The following USP47 variants were observed in gnomAD, a reference collection of about 807,000 sequenced individuals.
USP47 encodes the protein ubiquitin specific peptidase 47.
A neutral mutation model predicts 165.1 loss-of-function variants in USP47; 35 were observed. The observed-to-expected ratio is 0.21, with a 90% confidence interval of 0.16 to 0.28. The LOEUF (loss-of-function observed/expected upper bound fraction) is 0.28, where lower values mean the gene tolerates loss of function less well. Ranked by LOEUF, USP47 falls within the 10% of genes least tolerant of loss-of-function variation. USP47 has a pLI of 1.00. For missense variants in USP47, 1,277 were observed against 1,607.4 expected, an observed-to-expected ratio of 0.79 and a Z score of 3.52; for synonymous variants, 531 against 544.5, an observed-to-expected ratio of 0.98 and a Z score of 0.35.
At chr11:11,929,397 C>T in intron 11 of USP47, 37 bp from the exon 12 acceptor site, 3 of 1,601,774 alleles carry the variant, frequency 1.9e-6, no homozygotes, top group Non-Finnish European at 1.7e-6. Flanking sequence ...GTTGTGTTTT[C>T]CTTCTCCTCT....
rs1210530456 is a variant in USP47 at position 11,949,960 on chromosome 11, T to A, written c.3420T>A (p.Ile1140=). ...MTVRQSKEEL[I]PQLREQCGLE... The stretch of plus-strand genomic sequence containing the variant: ...TACGGCAATCAAAAGAGGAATTAAT[T>A]CCTCAGCTCAGGGAGCAATGTGGTT... The change falls in exon 23 of 28, where the codon ATT becomes ATA. Residue 1140 remains isoleucine (I), a synonymous_variant. Transcript: ENST00000527733. The A allele has an allele frequency of 6.2e-7, 1 of 1,613,010 alleles. No individual in the cohort carries two copies. The highest frequency in any genetic ancestry group is 8.5e-7 in the Non-Finnish European group (1 of 1,179,314).
chr11:11,895,942 C>G (rs1851818213), intron 4 of USP47, among the ~76,000 whole-genome samples: 1 of 152,200 alleles, frequency 6.6e-6, no homozygotes, highest in Non-Finnish European at 1.5e-5. Context: ...TGATTCATAA[C>G]TATTTCAGAT....
At chr11:11,858,003 A>C (rs1345688130) in intron 1 of USP47, among the ~76,000 whole-genome samples, 1 of 152,138 alleles carries the variant, frequency 6.6e-6, no homozygotes, top group Non-Finnish European at 1.5e-5. Context: ...ATTTGGCACC[A>C]CTTCATTTAC....
chr11:11,888,037 C>A (rs1851275938), intron 3 of USP47, among the ~76,000 whole-genome samples: 1 of 152,038 alleles, frequency 6.6e-6, no homozygotes, highest in Middle Eastern at 3.2e-3. Flanking sequence ...GATAACATAC[C>A]AGAATTTCTG....
chr11:11,891,427 A>G (rs1851505211), intron 3 of USP47, among the ~76,000 whole-genome samples: 1 of 152,252 alleles, frequency 6.6e-6, no homozygotes, highest in Non-Finnish European at 1.5e-5. Context: ...TGCATCATTT[A>G]GTTTTATGAC....
intron 25 of USP47, among the ~76,000 whole-genome samples, chr11:11,954,497 A>G (rs1220882042): frequency 6.6e-6 from 1 of 152,142 alleles, no homozygotes; most frequent in East Asian, 1.9e-4. Flanking sequence ...ATGGAAGTAT[A>G]CAGTAGAGCT....
At chr11:11,917,490 T>C (rs993908230) in intron 8 of USP47, among the ~76,000 whole-genome samples, 18 of 152,098 alleles carry the variant, frequency 1.2e-4, no homozygotes, top group African/African-American at 4.3e-4. Context: ...TAGTATGTAA[T>C]GTTACATGTT....
At chr11:11,866,954 A>G (rs182805213) in intron 1 of USP47, among the ~76,000 whole-genome samples, 4 of 151,982 alleles carry the variant, frequency 2.6e-5, no homozygotes, top group African/African-American at 7.2e-5. Context: ...CTGGAGCTCA[A>G]TGGTGCGATC....
intron 3 of USP47, among the ~76,000 whole-genome samples, chr11:11,890,104 A>G (rs1369304968): frequency 1.3e-5 from 2 of 152,208 alleles, no homozygotes; most frequent in Admixed American, 6.5e-5. Context: ...AAAACCTTAG[A>G]AAAAAATCTA....
chr11:11,842,864 G>A (rs1204371034), intron 1 of USP47, among the ~76,000 whole-genome samples: 1 of 141,776 alleles, frequency 7.1e-6, no homozygotes, highest in African/African-American at 2.6e-5. Context: ...TTTTTTTGAG[G>A]TTGGGTTGTG....
chr11:11,927,373 G>A (rs546694577), intron 11 of USP47, among the ~76,000 whole-genome samples: 3 of 152,142 alleles, frequency 2.0e-5, no homozygotes, highest in Admixed American at 1.3e-4. Flanking sequence ...CTGTTGCTTA[G>A]TGTTACCAGT....
chr11:11,842,424 A>T (rs947422279), intron 1 of USP47, among the ~76,000 whole-genome samples, 200 bp downstream of exon 1: 1 of 151,792 alleles, frequency 6.6e-6, no homozygotes, highest in Admixed American at 6.6e-5. Context: ...CGGGGAGCGG[A>T]CCTCCCGCCT....
chr11:11,885,882 A>C (rs1338685297), intron 3 of USP47, among the ~76,000 whole-genome samples: 1 of 152,174 alleles, frequency 6.6e-6, no homozygotes, highest in Non-Finnish European at 1.5e-5. Context: ...TTCCAGAGGA[A>C]GGAGCAGGCT....
chr11:11,936,434 C>A lies in USP47; in HGVS notation c.2001C>A (p.Val667=), dbSNP rs1286068959. ...CAATGGGGCTTCTACTAGGTGGCGT[C>A]AAGTCAACATATATGTTTGATCTGC... ...DTPMGLLLGG[V]KSTYMFDLLL... is the part of the protein sequence containing the mutation. The change falls in exon 17 of 28, where the codon GTC becomes GTA. Residue 667 remains valine (V), a synonymous_variant. Transcript: ENST00000527733. The A allele has an allele frequency of 1.9e-6, 3 of 1,609,924 alleles. No homozygotes were observed.
intron 1 of USP47, among the ~76,000 whole-genome samples, chr11:11,864,174 AT>A (rs1359322647): frequency 2.0e-5 from 3 of 151,958 alleles, no homozygotes; most frequent in East Asian, 1.9e-4. Context: ...AGTTAAAAAA[AT>A]TTTTTTGTAT....
intron 20 of USP47, among the ~76,000 whole-genome samples, chr11:11,945,096 T>A (rs1030640577): frequency 6.6e-6 from 1 of 152,192 alleles, no homozygotes; most frequent in African/African-American, 2.4e-5. Flanking sequence ...CTACAACTTA[T>A]GTATTTGGGC....
At chr11:11,948,383 A>G (rs1855988482) in intron 21 of USP47, 95 bp from the exon 22 acceptor site, 3 of 1,086,990 alleles carry the variant, frequency 2.8e-6, no homozygotes, top group East Asian at 4.9e-5. Context: ...GAGAGCCTAT[A>G]ATCTAGAGTA....
intron 1 of USP47, among the ~76,000 whole-genome samples, chr11:11,843,961 C>T (rs1239552654): frequency 1.3e-5 from 2 of 152,006 alleles, no homozygotes; most frequent in East Asian, 3.8e-4. Context: ...CATCTTCAGT[C>T]TTCTTTTTCC....
chr11:11,959,779 A>G lies in USP47; in HGVS notation c.*3604A>G, dbSNP rs911702194. ...CAGCACTGCCCCTTTCCACCTCCTC[A>G]CCAGCTCACCTGTACAAGAGAATTG... is the stretch of plus-strand genomic sequence containing the variant. On this transcript the variant is annotated 3_prime_UTR_variant, in exon 28 of 28. Transcript: ENST00000527733. 7.9e-5 allele frequency among the ~76,000 whole-genome samples: 12 copies of G among 152,080 alleles called. No homozygotes were observed. Among genetic ancestry groups the G allele is most frequent in the Non-Finnish European group, 2.9e-5 (2 of 68,002 alleles).
Sources: gnomAD v4.1 joint callset for allele counts (sites outside exome capture counted in the v4.1 genomes callset) on GRCh38, gnomAD v4.1.1 for gene constraint, MANE v1.5 for transcripts, NCBI Gene and HGNC (gene_info 2026-07-23, HGNC 2026-07-21) for gene names.